The following NELL1 variants were observed in gnomAD, a reference collection of about 807,000 sequenced individuals.
NELL1 encodes protein kinase C-binding protein NELL1.
A neutral mutation model predicts 107.4 loss-of-function variants in NELL1; 76 were observed. The observed-to-expected ratio is 0.71, with a 90% CI of 0.59 to 0.86. The LOEUF is 0.86. NELL1 is among the 40% of genes least tolerant of loss of function. The pLI, the probability that NELL1 is intolerant of heterozygous loss-of-function variation, is 0.00. For synonymous variants in NELL1, 353 were observed against 341.2 expected (o/e 1.03, Z -0.38); for missense variants, 1,024 against 1,005.5 (o/e 1.02, Z -0.25).
intron 14 of NELL1, among the ~76,000 whole-genome samples, chr11:21,359,295 A>G (rs1851017417): frequency 6.6e-6 from 1 of 152,132 alleles, no homozygotes; most frequent in Non-Finnish European, 1.5e-5. Flanking sequence ...TGACTTGTGT[A>G]TGTTAAACCA....
chr11:21,059,335 C>T (rs1356070289), intron 12 of NELL1, among the ~76,000 whole-genome samples: 2 of 149,792 alleles, frequency 1.3e-5, no homozygotes, highest in Non-Finnish European at 3.0e-5. Context: ...ACTCAGTGAA[C>T]ATTTGCTGCC....
chr11:20,756,377 C>T (rs528531890), intron 2 of NELL1, among the ~76,000 whole-genome samples: 178 of 151,914 alleles, frequency 1.2e-3, no homozygotes, highest in African/African-American at 4.2e-3. Flanking sequence ...CTCACTCTTT[C>T]GCCCAGGCTG....
intron 2 of NELL1, among the ~76,000 whole-genome samples, chr11:20,689,554 C>T (rs866377276): frequency 8.0e-4 from 119 of 148,504 alleles, no homozygotes; most frequent in African/African-American, 1.8e-3. Flanking sequence ...TTTGTCCTTG[C>T]GATAGTTTAC....
At chr11:20,950,041 G>A (rs1030468650) in intron 11 of NELL1, among the ~76,000 whole-genome samples, 7 of 152,138 alleles carry the variant, frequency 4.6e-5, no homozygotes, top group Non-Finnish European at 1.0e-4. Context: ...AAGAGGTGGT[G>A]GGAGGGTGTT....
At chr11:21,277,339 C>T (rs1227792087) in intron 14 of NELL1, among the ~76,000 whole-genome samples, 2 of 151,974 alleles carry the variant, frequency 1.3e-5, no homozygotes, top group African/African-American at 4.8e-5. Context: ...CAAATCAAAA[C>T]TACAATGAGA....
At chr11:20,862,740 A>G (rs1849002869) in intron 4 of NELL1, among the ~76,000 whole-genome samples, 1 of 151,452 alleles carries the variant, frequency 6.6e-6, no homozygotes, top group Admixed American at 6.6e-5. Context: ...TTTCCTAGGC[A>G]GAGGACCCTG....
intron 15 of NELL1, among the ~76,000 whole-genome samples, chr11:21,480,319 A>T (rs2133898812): frequency 6.6e-6 from 1 of 152,268 alleles, no homozygotes; most frequent in Non-Finnish European, 1.5e-5. Context: ...ATTATCCCAC[A>T]AATTGTCTCT....
At chr11:21,496,279 C>T (rs1200999061) in intron 15 of NELL1, among the ~76,000 whole-genome samples, 1 of 151,660 alleles carries the variant, frequency 6.6e-6, no homozygotes, top group Non-Finnish European at 1.5e-5. Context: ...CTTTTAATGT[C>T]TATAATTATG....
intron 14 of NELL1, among the ~76,000 whole-genome samples, chr11:21,343,626 GC>G (rs1476274777): frequency 1.3e-5 from 2 of 152,108 alleles, no homozygotes; most frequent in African/African-American, 4.8e-5. Flanking sequence ...AGATATTTTA[GC>G]TTTGTGTAGC....
At chr11:21,217,471 TA>T (rs1857643954) in intron 13 of NELL1, among the ~76,000 whole-genome samples, 1 of 152,112 alleles carries the variant, frequency 6.6e-6, no homozygotes. Context: ...TTTTTTTAAG[TA>T]AAAAATTACC....
At chr11:20,772,267 A>G (rs950997946) in intron 2 of NELL1, among the ~76,000 whole-genome samples, 3 of 152,182 alleles carry the variant, frequency 2.0e-5, no homozygotes, top group Non-Finnish European at 4.4e-5. Context: ...TAGGGGAGGC[A>G]TAGCATTGGA....
chr11:21,050,154 A>G (rs1198528958), intron 12 of NELL1, among the ~76,000 whole-genome samples: 3 of 152,150 alleles, frequency 2.0e-5, no homozygotes, highest in Non-Finnish European at 2.9e-5. Flanking sequence ...AGTATTATTA[A>G]CTTGGCTTGC....
At position 20,930,231 on chromosome 11, in the gene NELL1, C is replaced by T. The variant is rs188322927; in HGVS notation, c.997+1752C>T. Among the ~76,000 whole-genome samples the T allele has an allele frequency of 8.3e-3, 1,258 of 152,170 alleles. 7 individuals carry two copies. The highest frequency in any genetic ancestry group is 0.027 in the Middle Eastern group (8 of 294). ...CATAAAGATCAAGATGGAAAGTTCA[C>T]CCATAATAGCTCCACTTAGAAACAC... On this transcript the variant is annotated intron_variant, in intron 9 of 19. Transcript: ENST00000357134.
At chr11:21,488,499 G>A (rs907577605) in intron 15 of NELL1, among the ~76,000 whole-genome samples, 5 of 152,018 alleles carry the variant, frequency 3.3e-5, no homozygotes, top group South Asian at 4.2e-4. Flanking sequence ...GGGGCTTAGG[G>A]TATGGTTACT....
chr11:20,965,002 G>A (rs372530097), intron 12 of NELL1, among the ~76,000 whole-genome samples: 2 of 152,064 alleles, frequency 1.3e-5, no homozygotes, highest in Admixed American at 6.6e-5. Flanking sequence ...GCTACCTTGT[G>A]CGTAATAGCG....
chr11:20,850,640 T>C (rs756214830), intron 4 of NELL1, among the ~76,000 whole-genome samples: 4 of 152,174 alleles, frequency 2.6e-5, no homozygotes, highest in Non-Finnish European at 5.9e-5. Flanking sequence ...ATTGACACTT[T>C]ATTTGGTACA....
At chr11:21,210,048 C>G (rs1418688841) in intron 13 of NELL1, among the ~76,000 whole-genome samples, 3 of 151,922 alleles carry the variant, frequency 2.0e-5, no homozygotes, top group Non-Finnish European at 2.9e-5. Flanking sequence ...TCTATGAAAC[C>G]TGTTGAAGCA....
At chr11:21,159,762 A>G (rs1447438145) in intron 13 of NELL1, among the ~76,000 whole-genome samples, 2 of 152,192 alleles carry the variant, frequency 1.3e-5, no homozygotes, top group Non-Finnish European at 2.9e-5. Flanking sequence ...AAAAAGTGAG[A>G]ATGTGTAGTG....
intron 15 of NELL1, among the ~76,000 whole-genome samples, chr11:21,417,820 G>C (rs10833528): frequency 0.44 from 66,541 of 151,656 alleles, 15,146 homozygotes; most frequent in Non-Finnish European, 0.48. Flanking sequence ...CCTATTAGTC[G>C]CACCTCACAT....
Sources: gnomAD v4.1 joint callset for allele counts (sites outside exome capture counted in the v4.1 genomes callset) on GRCh38, gnomAD v4.1.1 for gene constraint, MANE v1.5 for transcripts, NCBI Gene and HGNC (gene_info 2026-07-23, HGNC 2026-07-21) for gene names.